The following GGN variants were observed in gnomAD, a reference collection of about 807,000 sequenced individuals.
The protein encoded by GGN is gametogenetin.
Under a neutral mutation model 35.5 loss-of-function variants are expected in GGN, and 27 were observed. The observed-to-expected ratio is 0.76, with a 90% CI of 0.56 to 1.05. GGN has a LOEUF of 1.05. Ranked by LOEUF, GGN falls within the 50% of genes least tolerant of loss-of-function variation. GGN has a pLI of 0.00. For missense variants in GGN, 1,006 were observed against 940.7 expected, an observed-to-expected ratio of 1.07 and a Z score of -0.91; for synonymous variants, 425 against 444.1, an observed-to-expected ratio of 0.96 and a Z score of 0.54.
rs913259248 is a variant in GGN at position 38,387,196 on chromosome 19, GCGGTC to G, written c.61_65del (p.Asp21ArgfsTer66). On this transcript the variant is annotated frameshift_variant, in exon 3 of 4. Transcript: ENST00000334928. LOFTEE classifies it high-confidence loss of function. The surrounding 1 kb of genome is among the most constrained non-coding windows in gnomAD (Gnocchi z 5.3). ...GGGACGTCCGGCGGGAGTCGGGGGC[GCGGTC>G]CGAGGGCTGCACTTTTCGGGAGCCC... The G allele has an allele frequency of 5.0e-6, 8 of 1,592,998 alleles. No homozygotes were observed. The highest frequency in any genetic ancestry group is 6.8e-6 in the Non-Finnish European group (8 of 1,170,300).
chr19:38,387,653 C>T lies in GGN; in HGVS notation c.-20+108G>A, dbSNP rs1970756707. 2 of 209,072 alleles carry T rather than the reference C, an allele frequency of 9.6e-6. No individual in the cohort carries two copies. Among genetic ancestry groups the T allele is most frequent in the South Asian group, 1.0e-4 (1 of 9,582 alleles). 13.0% of individuals were successfully genotyped at this position (209,072 alleles called of 1,614,324 possible). On this transcript the variant is annotated intron_variant, in intron 2 of 3. Transcript: ENST00000334928. This position sits in a 1 kb window ranked among gnomAD's most constrained non-coding sequence, Gnocchi z 5.3. The stretch of plus-strand genomic sequence containing the variant: ...AGGGGCAGATCCTCAGGCCTCACCC[C>T]TAAACCTCTTCCCGCTCCAGGTCTA...
chr19:38,386,879 G>A lies in GGN; in HGVS notation c.383C>T (p.Ala128Val). 6.3e-7 allele frequency: 1 copy of A among 1,579,692 alleles called. No homozygotes were observed. Among genetic ancestry groups the A allele is most frequent in the Non-Finnish European group, 8.6e-7 (1 of 1,163,930 alleles). The change falls in exon 3 of 4, where the codon GCG (alanine) becomes GTG (valine). Residue 128 changes from alanine (A) to valine (V), a missense_variant. Physicochemically the swap from Ala to Val is moderately conservative, Grantham distance 64. Transcript: ENST00000334928. ...AGGGTCGCCCTGGCCGCGATGGCTC[G>A]CCTCCAGCAGGCGGCGGATCCGGGG... is the stretch of plus-strand genomic sequence containing the variant. ...PVPRIRRLLE[A>V]SHRGQGDPPS...
rs752272715 is a variant in GGN at position 38,387,138 on chromosome 19, G to A, written c.124C>T (p.Arg42Cys). The change falls in exon 3 of 4, where the codon CGC (arginine) becomes TGC (cysteine). Residue 42 changes from arginine (R) to cysteine (C), a missense_variant. Transcript: ENST00000334928. The surrounding 1 kb of genome is among the most constrained non-coding windows in gnomAD (Gnocchi z 5.3). ...CAGACACCCAGCCCACGAGTCAGGC[G>A]CATGGCCTGGGAGGTCATCTCGGGC... The part of the protein sequence containing the change: ...VEPEMTSQAM[R>C]LTRGLGVWFP... The A allele has an allele frequency of 5.1e-6, 8 of 1,573,192 alleles. No homozygotes were observed. The African/African-American group carries it at 6.8e-5, about 13-fold the overall frequency.
At chr19:38,388,378 C>T (rs1212881177), upstream of GGN, 8 of 397,166 alleles carry the variant, frequency 2.0e-5, no homozygotes, top group East Asian at 1.4e-4. Context: ...GCTCCCCTCT[C>T]GCCCCACCCC....
rs746259432 is a variant in GGN at position 38,387,027 on chromosome 19, G to T, written c.235C>A (p.Arg79=). The change falls in exon 3 of 4, where the codon CGG becomes AGG. Residue 79 remains arginine (R), a synonymous_variant. Transcript: ENST00000334928. This position sits in a 1 kb window ranked among gnomAD's most constrained non-coding sequence, Gnocchi z 5.3. ...SPSTLPLTLE[R]PSPVMPPPEE... ...GGAGGGGGCATCACTGGAGAGGGCCGTTCTAAGGTGAGGGGCAGGGTCGAG... is the reference window on the plus strand; with the variant it reads ...GGAGGGGGCATCACTGGAGAGGGCCTTTCTAAGGTGAGGGGCAGGGTCGAG... 6 of 1,552,906 alleles carry T rather than the reference G, an allele frequency of 3.9e-6. No individual in the cohort carries two copies. Among genetic ancestry groups the T allele is most frequent in the East Asian group, 2.3e-5 (1 of 42,814 alleles).
In GGN at chr19:38,386,463, A is replaced by T. The variant is rs777963751; in HGVS notation, c.799T>A (p.Ser267Thr). Residue 267 changes from serine (S) to threonine (T), a missense_variant, in exon 3 of 4, where the codon TCG (serine) becomes ACG (threonine). Transcript: ENST00000334928. ...AASSSLAAKA[S>T]LGGGGGGGLF... ...CCGCCGCCTCCGCCGCCCCCCAGCGAAGCTTTGGCTGCTAAGGAACTCGAG... is the reference window on the plus strand; with the variant it reads ...CCGCCGCCTCCGCCGCCCCCCAGCGTAGCTTTGGCTGCTAAGGAACTCGAG... 51 of 1,612,786 alleles carry T rather than the reference A, an allele frequency of 3.2e-5. No individual in the cohort carries two copies. The highest frequency in any genetic ancestry group is 4.1e-5 in the Non-Finnish European group (48 of 1,180,000).
At position 38,386,366 on chromosome 19, in the gene GGN, G is replaced by C; in HGVS notation, c.896C>G (p.Ala299Gly). ...TCGAGAAACCTCTCCCAAGGGGCGA[G>C]CGGCTCCAGGAGGCAGGGGCCCTTG... ...LKQGPLPPGA[A>G]RPLGEVSRGA... The change falls in exon 3 of 4, where the codon GCT becomes GGT. Residue 299 changes from alanine to glycine, a missense_variant. Ala to Gly is a moderately conservative substitution (Grantham distance 60, BLOSUM62 0). Transcript: ENST00000334928. 6.2e-7 allele frequency: 1 copy of C among 1,613,008 alleles called. No individual in the cohort carries two copies. Among genetic ancestry groups the C allele is most frequent in the Non-Finnish European group, 8.5e-7 (1 of 1,179,844 alleles).
chr19:38,385,946 G>T lies in GGN; in HGVS notation c.1316C>A (p.Pro439Gln), dbSNP rs112138627. ...PGPPGLQELPPLPPPTPPPTL... is the reference protein window; with the variant it reads ...PGPPGLQELPQLPPPTPPPTL... ...GGGCGGCGGTGTGGGCGGTGGCAGC[G>T]GTGGTAACTCCTGCAGGCCTGGAGG... The change falls in exon 3 of 4, where the codon CCG becomes CAG. Residue 439 changes from proline to glutamine, a missense_variant. Pro to Gln is a moderately conservative substitution (Grantham distance 76). Coordinates refer to ENST00000334928, the MANE Select transcript of GGN (RefSeq NM_152657.4). 0.03 allele frequency: 47,974 copies of T among 1,594,416 alleles called. 818 individuals are homozygous for T. Among genetic ancestry groups the T allele is most frequent in the South Asian group, 0.047 (4,199 of 88,406 alleles).
At chr19:38,384,603 C>A in intron 3 of GGN, 74 bp from the exon 4 acceptor site, 1 of 1,089,140 alleles carries the variant, frequency 9.2e-7, no homozygotes, top group Admixed American at 1.8e-5. Context: ...GCCTCCCTGT[C>A]CCCATATGAA....
chr19:38,387,801 G>GGGCCC lies in GGN; in HGVS notation c.-65_-61dup, dbSNP rs1353997214. On this transcript the variant is annotated 5_prime_UTR_variant, in exon 2 of 4. Coordinates refer to ENST00000334928, the MANE Select transcript of GGN (RefSeq NM_152657.4). The surrounding 1 kb of genome is among the most constrained non-coding windows in gnomAD (Gnocchi z 5.3). ...AGCAGAGTTCAGACCGCGGCGCCCT[G>GGGCCC]GGCCCGGGGCAGGGCAGGGAACTGC... The GGGCCC allele has an allele frequency of 6.4e-6, 1 of 155,768 alleles. No individual in the cohort carries two copies. The highest frequency in any genetic ancestry group is 2.4e-5 in the African/African-American group (1 of 41,552). The allele number at this position is 155,768 out of a possible 1,614,324, so 9.6% of individuals were successfully genotyped here. A position where few individuals can be genotyped will look rare whatever the true frequency, so the allele number is the denominator to read the frequency against.
At position 38,384,292 on chromosome 19, in the gene GGN, C is replaced by T. The variant is rs147497802; in HGVS notation, c.*120G>A. 313 of 736,906 alleles carry T rather than the reference C, an allele frequency of 4.2e-4. No homozygotes were observed. The African/African-American group carries it at 4.7e-3, about 11-fold the overall frequency. 45.6% of individuals were successfully genotyped at this position (736,906 alleles called of 1,614,324 possible). On this transcript the variant is annotated 3_prime_UTR_variant, in exon 4 of 4. Coordinates refer to ENST00000334928, the MANE Select transcript of GGN (RefSeq NM_152657.4). ...TTGTTTCCAAGATGTGCTTTAATGG[C>T]GATCCTGCCCTGCTGCACCCTACCC...
chr19:38,387,202 C>A lies in GGN; in HGVS notation c.60G>T (p.Ser20=). ...TCCGGCGGGAGTCGGGGGCGCGGTC[C>A]GAGGGCTGCACTTTTCGGGAGCCCC... ...AGGGSRKVQP[S]DRAPDSRRTS... Residue 20 remains serine, a synonymous_variant, in exon 3 of 4, where the codon TCG becomes TCT. Transcript: ENST00000334928. This position sits in a 1 kb window ranked among gnomAD's most constrained non-coding sequence, Gnocchi z 5.3. 1 of 1,594,798 alleles carries A rather than the reference C, an allele frequency of 6.3e-7. No individual in the cohort carries two copies. The highest frequency in any genetic ancestry group is 2.3e-5 in the East Asian group (1 of 43,578).
Position 38,386,349 on chromosome 19 carries a change from C to T in GGN, c.913G>A (p.Val305Ile), listed in dbSNP as rs765170462. ...TCGGCTTCCTGTGCCCCTCGAGAAA[C>T]CTCTCCCAAGGGGCGAGCGGCTCCA... Reference protein sequence around the residue: ...PPGAARPLGEVSRGAQEAEGG... With the variant: ...PPGAARPLGEISRGAQEAEGG... The change falls in exon 3 of 4, where the codon GTT (valine) becomes ATT (isoleucine). Residue 305 changes from valine (V) to isoleucine (I), a missense_variant. Transcript: ENST00000334928. 5 of 1,612,800 alleles carry T rather than the reference C, an allele frequency of 3.1e-6. No individual in the cohort carries two copies. The highest frequency in any genetic ancestry group is 3.4e-6 in the Non-Finnish European group (4 of 1,179,672).
chr19:38,388,313 T>G, upstream of GGN: 1 of 387,590 alleles, frequency 2.6e-6, no homozygotes, highest in East Asian at 3.7e-5. Flanking sequence ...AGTCCTCGCC[T>G]GCAGCATCCA....
In GGN at chr19:38,386,625, CCG is replaced by C; in HGVS notation, c.635_636del (p.Thr212SerfsTer32). On this transcript the variant is annotated frameshift_variant, in exon 3 of 4. Transcript: ENST00000334928. LOFTEE classifies it high-confidence loss of function. ...GGCGCCCCTCCGCGAGCCCTGCCGG[CCG>C]TCTGGCCCTGGTTGCGGGGCCCAGC... Reference protein sequence around the residue: ...SQAGPRNQGQTAGRARGGAPP... With the variant: ...SQAGPRNQGQXAGRARGGAPP... 1 of 1,612,584 alleles carries C rather than the reference CCG, an allele frequency of 6.2e-7. No homozygotes were observed.
rs534052583 is a variant in GGN, at chr19:38,386,494, C to T, written c.768G>A (p.Pro256=). The T allele has an allele frequency of 2.5e-5, 40 of 1,612,918 alleles. No individual in the cohort carries two copies. The highest frequency in any genetic ancestry group is 1.0e-4 in the Admixed American group (6 of 60,032). ...TFKSRPSLAP[P]AASSSLAAKA... ...TGGCTGCTAAGGAACTCGAGGCTGC[C>T]GGAGGGGCCAAAGAGGGCCTCGACT... The change falls in exon 3 of 4, where the codon CCG becomes CCA. Residue 256 remains proline (P), a synonymous_variant. Transcript: ENST00000334928.
In GGN at chr19:38,387,234, C is replaced by G. The variant is rs1970750109; in HGVS notation, c.28G>C (p.Ala10Pro). 3 of 1,595,990 alleles carry G rather than the reference C, an allele frequency of 1.9e-6. No homozygotes were observed. The highest frequency in any genetic ancestry group is 1.3e-5 in the African/African-American group (1 of 74,452). The change falls in exon 3 of 4, where the codon GCG (alanine) becomes CCG (proline). Residue 10 changes from alanine to proline, a missense_variant. Coordinates refer to ENST00000334928, the MANE Select transcript of GGN (RefSeq NM_152657.4). This position sits in a 1 kb window ranked among gnomAD's most constrained non-coding sequence, Gnocchi z 5.3. The stretch of plus-strand genomic sequence containing the variant: ...TGCACTTTTCGGGAGCCCCCGCCCG[C>G]GGATGGCTCCGACTGCAAGTTCCCC... MGNLQSEPS[A>P]GGGSRKVQPS...
chr19:38,387,009 G>T lies in GGN; in HGVS notation c.253C>A (p.Pro85Thr), dbSNP rs556884139. 8.4e-6 allele frequency: 13 copies of T among 1,543,066 alleles called. No homozygotes were observed. In the East Asian group the frequency reaches 1.9e-4, roughly 22 times the overall value. The change falls in exon 3 of 4, where the codon CCC becomes ACC. Residue 85 changes from proline to threonine, a missense_variant. Pro to Thr is a conservative substitution (Grantham distance 38, BLOSUM62 -1). Coordinates refer to ENST00000334928, the MANE Select transcript of GGN (RefSeq NM_152657.4). The surrounding 1 kb of genome is among the most constrained non-coding windows in gnomAD (Gnocchi z 5.3). ...LTLERPSPVM[P>T]PPEEAAAVSA... The stretch of plus-strand genomic sequence containing the variant: ...ACCGCGGCCGCCTCTTCAGGAGGGG[G>T]CATCACTGGAGAGGGCCGTTCTAAG...
rs559788261 is a variant in GGN at position 38,384,600 on chromosome 19, T to A, written c.1842-71A>T. ...GCCTCTAGCCCTTCTAGGGCCTCCC[T>A]GTCCCCATATGAATAGGGAAGCTTC... On this transcript the variant is annotated intron_variant, in intron 3 of 3. Coordinates refer to ENST00000334928, the MANE Select transcript of GGN (RefSeq NM_152657.4). 3 of 1,094,580 alleles carry A rather than the reference T, an allele frequency of 2.7e-6. No individual in the cohort carries two copies. In the South Asian group the frequency reaches 3.8e-5, roughly 14 times the overall value. 67.8% of individuals were successfully genotyped at this position (1,094,580 alleles called of 1,614,324 possible). A position where few individuals can be genotyped will look rare whatever the true frequency, so the allele number is the denominator to read the frequency against.
Sources: gnomAD v4.1 joint callset for allele counts on GRCh38, gnomAD v4.1.1 for gene constraint, Gnocchi (gnomAD v3.1) non-coding constraint, MANE v1.5 for transcripts, NCBI Gene and HGNC (gene_info 2026-07-23, HGNC 2026-07-21) for gene names.